The following IDH3A variants were observed in gnomAD, a reference collection of about 807,000 sequenced individuals.
IDH3A encodes isocitrate dehydrogenase (NAD(+)) 3 catalytic subunit alpha, also known as isocitrate dehydrogenase [NAD] subunit alpha, mitochondrial.
IDH3A carries 23 observed loss-of-function variants against 43.3 expected under a neutral mutation model. The observed-to-expected ratio is 0.53, with a 90% CI of 0.38 to 0.75. The LOEUF is 0.75. Among genes scored for constraint, IDH3A ranks in the 30% least tolerant of loss-of-function variants. IDH3A has a pLI of 0.00. For synonymous variants in IDH3A, 154 were observed against 163.5 expected, an observed-to-expected ratio of 0.94 and a Z score of 0.44; for missense variants, 329 against 474.4, an observed-to-expected ratio of 0.69 and a Z score of 2.85.
intron 6 of IDH3A, among the ~76,000 whole-genome samples, chr15:78,162,660 C>T (rs2074696266): frequency 6.6e-6 from 1 of 151,586 alleles, no homozygotes; most frequent in African/African-American, 2.4e-5. Context: ...ATTCTCTTGC[C>T]TCAGCTTCCC....
At chr15:78,152,529 T>G (rs1008362955) in intron 1 of IDH3A, among the ~76,000 whole-genome samples, 5 of 151,796 alleles carry the variant, frequency 3.3e-5, no homozygotes, top group African/African-American at 1.2e-4. Flanking sequence ...CCTGGCTAAT[T>G]TTGTATTTTT....
intron 1 of IDH3A, among the ~76,000 whole-genome samples, chr15:78,151,930 G>T (rs114903147): frequency 2.0e-5 from 3 of 152,006 alleles, no homozygotes; most frequent in Non-Finnish European, 4.4e-5. Flanking sequence ...TAGAGGTAGG[G>T]TCTCACTCTG....
chr15:78,161,372 G>T lies in IDH3A; in HGVS notation c.290-209G>T, dbSNP rs537148837. On this transcript the variant is annotated intron_variant, in intron 4 of 10. Transcript: ENST00000299518. The surrounding 1 kb of genome is among the most constrained non-coding windows in gnomAD (Gnocchi z 4.8). ...ATCATGTCAAGCACATGATTACAAT[G>T]CTTGATCCTCAGGAAGTTCTGAAGA... Among the ~76,000 whole-genome samples, 8 of 152,296 alleles carry T rather than the reference G, an allele frequency of 5.3e-5. No individual in the cohort carries two copies. Among genetic ancestry groups the T allele is most frequent in the Non-Finnish European group, 8.8e-5 (6 of 68,022 alleles).
intron 4 of IDH3A, 92 bp downstream of exon 4, chr15:78,160,298 C>A: frequency 1.4e-6 from 1 of 691,630 alleles, no homozygotes. Flanking sequence ...TGAATAAGGC[C>A]TGGCCATCTG....
Position 78,171,569 on chromosome 15 carries a change from C to T in IDH3A, c.*2564C>T. Reference sequence around the variant, plus strand: ...AGAAGAAATGAGTGAGGCCCAGGCTCTGAGAACTCTGAGAATGTGTGTGGT... The same window carrying T: ...AGAAGAAATGAGTGAGGCCCAGGCTTTGAGAACTCTGAGAATGTGTGTGGT... On this transcript the variant is annotated 3_prime_UTR_variant, in exon 11 of 11. Coordinates refer to ENST00000299518, the MANE Select transcript of IDH3A (RefSeq NM_005530.3). 1.3e-6 allele frequency: 2 copies of T among 1,496,982 alleles called. No individual in the cohort carries two copies. The highest frequency in any genetic ancestry group is 1.1e-5 in the South Asian group (1 of 88,474). 92.7% of individuals were successfully genotyped at this position (1,496,982 alleles called of 1,614,324 possible).
rs749592217 is a variant in IDH3A, at chr15:78,163,585, G to A, written c.690G>A (p.Met230Ile). 6.2e-7 allele frequency: 1 copy of A among 1,608,792 alleles called. No homozygotes were observed. The highest frequency in any genetic ancestry group is 8.5e-7 in the Non-Finnish European group (1 of 1,175,348). ...GTAAAGATATTAAATTTAATGAGATGTACCTTGATACAGTATGTTTGAATG... is the reference window on the plus strand; with the variant it reads ...GTAAAGATATTAAATTTAATGAGATATACCTTGATACAGTATGTTTGAATG... ...ESCKDIKFNEMYLDTVCLNMV... is the reference protein window; with the variant it reads ...ESCKDIKFNEIYLDTVCLNMV... The change falls in exon 7 of 11, where the codon ATG becomes ATA. Residue 230 changes from methionine to isoleucine, a missense_variant. Met to Ile is a conservative substitution (Grantham distance 10). Around this residue, in one of 3 missense-constraint regions of IDH3A, gnomAD observed 212 missense variants for 345.5 expected, o/e 0.61. Transcript: ENST00000299518.
At chr15:78,157,743 C>G (rs1295300786) in intron 3 of IDH3A, 112 bp downstream of exon 3, 1 of 687,228 alleles carries the variant, frequency 1.5e-6, no homozygotes, top group Non-Finnish European at 2.5e-6. Flanking sequence ...GAAATTTAGT[C>G]AGGTCTGTTG....
chr15:78,162,492 C>A, intron 6 of IDH3A, 125 bp downstream of exon 6: 3 of 961,508 alleles, frequency 3.1e-6, no homozygotes, highest in Non-Finnish European at 3.1e-6. Context: ...AACTTTGTAA[C>A]AATCCAAAGA....
chr15:78,155,307 T>G (rs1010074437), intron 2 of IDH3A, 32 bp downstream of exon 2: 10 of 1,466,210 alleles, frequency 6.8e-6, no homozygotes, highest in Non-Finnish European at 9.5e-6. Context: ...ATTTTTTCCT[T>G]TTAGAAGTTT....
At chr15:78,164,397 G>C (rs2074716828) in intron 8 of IDH3A, among the ~76,000 whole-genome samples, 1 of 147,912 alleles carries the variant, frequency 6.8e-6, no homozygotes, top group South Asian at 2.1e-4. Context: ...CTGTCGCCTA[G>C]GCTGGAGTGC....
intron 2 of IDH3A, 177 bp downstream of exon 2, chr15:78,155,452 C>T (rs369450182): frequency 5.5e-5 from 25 of 458,594 alleles, no homozygotes; most frequent in Middle Eastern, 5.7e-4. Flanking sequence ...AGGTTACTTG[C>T]GCATTTGAAA....
intron 10 of IDH3A, 77 bp from the exon 11 acceptor site, chr15:78,168,845 A>G: frequency 1.1e-6 from 1 of 919,338 alleles, no homozygotes; most frequent in South Asian, 1.4e-5. Flanking sequence ...GTGGCATCTC[A>G]CTGAGGGCTT....
At position 78,170,493 on chromosome 15, in the gene IDH3A, C is replaced by A. The variant is rs969118164; in HGVS notation, c.*1488C>A. On this transcript the variant is annotated 3_prime_UTR_variant, in exon 11 of 11. Transcript: ENST00000299518. ...CTTCCTCTGTTTCATTGGATTGTGC[C>A]AGTTATCAGTGGCTCTTGGGTTCAA... The A allele has an allele frequency of 6.6e-6, 1 of 151,936 alleles. No individual in the cohort carries two copies. Among genetic ancestry groups the A allele is most frequent in the Non-Finnish European group, 1.5e-5 (1 of 68,000 alleles). 9.4% of individuals were successfully genotyped at this position (151,936 alleles called of 1,614,324 possible). A position where few individuals can be genotyped will look rare whatever the true frequency, so the allele number is the denominator to read the frequency against.
chr15:78,149,520 T>A, intron 1 of IDH3A, 90 bp downstream of exon 1: 2 of 1,207,608 alleles, frequency 1.7e-6, no homozygotes, highest in Middle Eastern at 2.7e-4. Flanking sequence ...GGCGGGCGCG[T>A]GGGCCAGACA....
At position 78,160,914 on chromosome 15, in the gene IDH3A, C is replaced by T. The variant is rs572071033; in HGVS notation, c.290-667C>T. ...ATTTTTATATTTTTTGAGAGTCTCG[C>T]TCTGTTGCCCAGGCTGGAGTGCAGT... On this transcript the variant is annotated intron_variant, in intron 4 of 10. Transcript: ENST00000299518. 2.6e-4 allele frequency among the ~76,000 whole-genome samples: 39 copies of T among 152,234 alleles called. 1 individual carries two copies. In the South Asian group the frequency reaches 7.9e-3, roughly 31 times the overall value.
rs2074613282 is a variant in IDH3A, at chr15:78,155,112, T to C, written c.28-101T>C. On this transcript the variant is annotated intron_variant, in intron 1 of 10. Transcript: ENST00000299518. ...CCTGGGAAGCTACTGAATATATCTG[T>C]GCCAAGTTGCAGCATTACCATCCAT... The C allele has an allele frequency of 6.5e-6, 5 of 766,988 alleles. No individual in the cohort carries two copies. The East Asian group carries it at 1.0e-4, about 16-fold the overall frequency. The allele number at this position is 766,988 out of a possible 1,614,324, so 47.5% of individuals were successfully genotyped here. A position where few individuals can be genotyped will look rare whatever the true frequency, so the allele number is the denominator to read the frequency against.
intron 6 of IDH3A, 140 bp from the exon 7 acceptor site, chr15:78,163,367 A>C: frequency 1.7e-6 from 1 of 601,736 alleles, no homozygotes; most frequent in Non-Finnish European, 3.0e-6. Flanking sequence ...TAACTACCTA[A>C]GAAATAATTT....
At chr15:78,168,211 T>A (rs1260080616) in intron 10 of IDH3A, 2 of 151,220 alleles carry the variant, frequency 1.3e-5, no homozygotes, top group Non-Finnish European at 1.5e-5. Flanking sequence ...CACCTTAGCC[T>A]CTGAGTTCAA....
intron 9 of IDH3A, among the ~76,000 whole-genome samples, chr15:78,165,653 A>G (rs532809608): frequency 2.6e-5 from 4 of 151,350 alleles, no homozygotes; most frequent in Non-Finnish European, 5.9e-5. Context: ...ACTTAAAAAA[A>G]TTACTTTAGC....
Sources: allele counts gnomAD v4.1 joint callset (sites outside exome capture counted in the v4.1 genomes callset), GRCh38; gene constraint gnomAD v4.1.1; regional missense constraint gnomAD v4.1.1; non-coding constraint Gnocchi (gnomAD v3.1); transcripts MANE v1.5; gene names NCBI Gene and HGNC (gene_info 2026-07-23, HGNC 2026-07-21).